Variants in PHF24 observed in about 807,000 individuals in gnomAD.
PHF24 encodes the protein PHD finger protein 24.
In PHF24, 25 loss-of-function variants were observed where a neutral mutation model predicts 42.6. The ratio of observed to expected loss-of-function variants is 0.59; its 90% CI spans 0.43 to 0.82. The LOEUF is 0.82. Among genes scored for constraint, PHF24 ranks in the 40% least tolerant of loss-of-function variants. The pLI is 0.00. For synonymous variants in PHF24, 185 were observed against 204.8 expected, an observed-to-expected ratio of 0.90 and a Z score of 0.83; for missense variants, 470 against 538.1, an observed-to-expected ratio of 0.87 and a Z score of 1.25.
At chr9:34,759,008 C>G in the PHF24 span, among the ~76,000 whole-genome samples, 1 of 152,156 alleles carries the variant, frequency 6.6e-6, no homozygotes, top group Admixed American at 6.5e-5. Flanking sequence ...CCCCACTGCA[C>G]TCCACCGCTC....
chr9:34,873,160 T>C, the PHF24 span, among the ~76,000 whole-genome samples: 1 of 151,486 alleles, frequency 6.6e-6, no homozygotes, highest in Admixed American at 6.6e-5. Context: ...AGGTTGCCTG[T>C]TCACTCTGAT....
chr9:34,703,282 C>G, the PHF24 span, among the ~76,000 whole-genome samples: 3 of 152,086 alleles, frequency 2.0e-5, no homozygotes, highest in African/African-American at 7.2e-5. Context: ...AATTCTCCTG[C>G]CTCAGCCTCC....
the PHF24 span, among the ~76,000 whole-genome samples, chr9:34,902,776 A>G: frequency 1.3e-5 from 2 of 152,216 alleles, no homozygotes; most frequent in African/African-American, 2.4e-5. Flanking sequence ...ATTCCTATCT[A>G]TGACAGATTT....
the PHF24 span, among the ~76,000 whole-genome samples, chr9:34,755,439 G>A: frequency 6.6e-6 from 1 of 151,988 alleles, no homozygotes; most frequent in Non-Finnish European, 1.5e-5. Flanking sequence ...ACTGGGATGA[G>A]ATGATACCTC....
the PHF24 span, among the ~76,000 whole-genome samples, chr9:34,849,660 A>AT: frequency 6.6e-6 from 1 of 152,000 alleles, no homozygotes; most frequent in East Asian, 1.9e-4. Context: ...TTAGCTGGTT[A>AT]TTTTGCTCGT....
At chr9:34,732,824 C>G in the PHF24 span, among the ~76,000 whole-genome samples, 1 of 152,056 alleles carries the variant, frequency 6.6e-6, no homozygotes, top group African/African-American at 2.4e-5. Context: ...ACTGTTTTCC[C>G]TTTTCTTTTA....
chr9:34,835,814 G>A, the PHF24 span: 3 of 1,495,422 alleles, frequency 2.0e-6, no homozygotes, highest in South Asian at 2.4e-5. Context: ...GCCAGTGAAA[G>A]CTCTCTGATA....
At chr9:34,798,180 G>C in the PHF24 span, among the ~76,000 whole-genome samples, 3 of 152,192 alleles carry the variant, frequency 2.0e-5, no homozygotes, top group South Asian at 6.2e-4. Flanking sequence ...ACATGAAAAA[G>C]AGTCAATTTT....
At chr9:34,812,583 A>G in the PHF24 span, among the ~76,000 whole-genome samples, 1 of 152,188 alleles carries the variant, frequency 6.6e-6, no homozygotes, top group African/African-American at 2.4e-5. Flanking sequence ...CCAACTCACC[A>G]TTCAGGTTCT....
At chr9:34,707,872 C>A in the PHF24 span, among the ~76,000 whole-genome samples, 1 of 152,074 alleles carries the variant, frequency 6.6e-6, no homozygotes, top group African/African-American at 2.4e-5. Context: ...GCTGGGATTA[C>A]AGGCGCCCGC....
At chr9:34,894,074 A>T in the PHF24 span, among the ~76,000 whole-genome samples, 1 of 152,226 alleles carries the variant, frequency 6.6e-6, no homozygotes, top group Non-Finnish European at 1.5e-5. Flanking sequence ...GACTCAGAGG[A>T]GAGGGAATAA....
chr9:34,869,441 G>A, the PHF24 span, among the ~76,000 whole-genome samples: 1 of 152,044 alleles, frequency 6.6e-6, no homozygotes, highest in Non-Finnish European at 1.5e-5. Flanking sequence ...TTTAATAATC[G>A]TGATTCTGAC....
the PHF24 span, among the ~76,000 whole-genome samples, chr9:34,714,991 C>T: frequency 6.6e-6 from 1 of 152,026 alleles, no homozygotes; most frequent in Non-Finnish European, 1.5e-5. Flanking sequence ...AACCCTAAGC[C>T]CCTGCCTGTG....
chr9:34,749,617 TAATTTTAC>T, the PHF24 span, among the ~76,000 whole-genome samples: 1 of 150,460 alleles, frequency 6.6e-6, no homozygotes, highest in Non-Finnish European at 1.5e-5. Flanking sequence ...TTTTTTTTTT[TAATTTTAC>T]TTTAAGTTCT....
chr9:34,945,609 C>T, the PHF24 span, among the ~76,000 whole-genome samples: 7 of 152,094 alleles, frequency 4.6e-5, no homozygotes, highest in Non-Finnish European at 1.0e-4. Context: ...ATTCTGTTGT[C>T]TCGGGAGTGG....
chr9:34,833,977 T>G, the PHF24 span: 13 of 1,546,336 alleles, frequency 8.4e-6, no homozygotes, highest in East Asian at 3.2e-4. Flanking sequence ...GCCGTAAAGT[T>G]GTCTCCAGTT....
At chr9:34,759,337 C>T in the PHF24 span, among the ~76,000 whole-genome samples, 3 of 152,214 alleles carry the variant, frequency 2.0e-5, no homozygotes, top group Admixed American at 6.5e-5. Flanking sequence ...GGCACCAACA[C>T]CTCATCATGT....
the PHF24 span, among the ~76,000 whole-genome samples, chr9:34,947,431 A>G: frequency 6.6e-6 from 1 of 152,224 alleles, no homozygotes; most frequent in Middle Eastern, 3.2e-3. Flanking sequence ...ATATAAAACT[A>G]TAGCACCTAC....
the PHF24 span, among the ~76,000 whole-genome samples, chr9:34,722,151 C>T: frequency 6.6e-6 from 1 of 152,124 alleles, no homozygotes; most frequent in African/African-American, 2.4e-5. Flanking sequence ...TGAGGATAAA[C>T]TGTTGGTTGA....
Sources: allele counts gnomAD v4.1 joint callset (sites outside exome capture counted in the v4.1 genomes callset), GRCh38; gene constraint gnomAD v4.1.1; transcripts MANE v1.5; gene names NCBI Gene and HGNC (gene_info 2026-07-23, HGNC 2026-07-21).